EPHA6: variants seen among roughly 807,000 people sequenced by gnomAD.
EPHA6 encodes the protein ephrin type-A receptor 6.
EPHA6 carries 50 observed loss-of-function variants against 112.0 expected under a neutral mutation model. The observed-to-expected ratio is 0.45, with a 90% confidence interval of 0.36 to 0.56. The LOEUF (loss-of-function observed/expected upper bound fraction) is 0.56. Among genes scored for constraint, EPHA6 ranks in the 20% least tolerant of loss-of-function variants. The probability of loss-of-function intolerance (pLI) is 0.00; values close to 1 mark genes in which losing one functional copy is unlikely to be tolerated. For missense variants in EPHA6, 1,280 were observed against 1,417.4 expected (o/e 0.90, Z 1.56); for synonymous variants, 529 against 490.7 (o/e 1.08, Z -1.03).
At position 97,107,907 on chromosome 3, in the gene EPHA6, A is replaced by G. The variant is rs147053717; in HGVS notation, c.1115-118357A>G. ...AGGATCTCATTGTAGTTTTAAAGTG[A>G]AATTATGTGTTATATAGCTTAGATA... On this transcript the variant is annotated intron_variant, in intron 3 of 17. Transcript: ENST00000389672. 4.0e-3 allele frequency among the ~76,000 whole-genome samples: 609 copies of G among 152,238 alleles called. 1 individual carries two copies. The highest frequency in any genetic ancestry group is 0.014 in the African/African-American group (565 of 41,530).
intron 3 of EPHA6, among the ~76,000 whole-genome samples, chr3:97,049,719 A>T (rs892943402): frequency 1.3e-5 from 2 of 152,158 alleles, no homozygotes; most frequent in African/African-American, 4.8e-5. Flanking sequence ...GCATCTGGTG[A>T]GGGCCTCAGG....
chr3:97,226,406 T>A lies in EPHA6; in HGVS notation c.1257T>A (p.Ser419=). 6.2e-6 allele frequency: 10 copies of A among 1,613,224 alleles called. No homozygotes were observed. Among genetic ancestry groups the A allele is most frequent in the African/African-American group, 1.3e-5 (1 of 75,030 alleles). The part of the protein sequence containing the change: ...GYFRAEKDPP[S]MACTRPPSAP... ...TCCGAGCTGAAAAAGACCCACCTTC[T>A]ATGGCATGTACCAGTAAGTCTATAC... The change falls in exon 4 of 18, where the codon TCT becomes TCA. Residue 419 remains serine, a synonymous_variant. Transcript: ENST00000389672.
At chr3:97,747,361 A>C (rs2035762171) in intron 16 of EPHA6, 62 bp from the exon 17 acceptor site, 27 of 1,346,714 alleles carry the variant, frequency 2.0e-5, no homozygotes, top group Non-Finnish European at 2.3e-5. Context: ...AAGTTCCGTG[A>C]TTTGTGCTTT....
chr3:97,372,011 C>T (rs775327809), intron 5 of EPHA6, among the ~76,000 whole-genome samples: 1 of 152,278 alleles, frequency 6.6e-6, no homozygotes, highest in Non-Finnish European at 1.5e-5. Context: ...TCCGAAACTT[C>T]ATTAGCAATT....
intron 3 of EPHA6, among the ~76,000 whole-genome samples, chr3:97,005,795 A>G (rs1211339065): frequency 6.6e-6 from 1 of 152,204 alleles, no homozygotes; most frequent in Non-Finnish European, 1.5e-5. Context: ...TGTGCCATCA[A>G]TACCTAGTTT....
chr3:97,397,073 T>C (rs1198729566), intron 5 of EPHA6, among the ~76,000 whole-genome samples: 4 of 151,900 alleles, frequency 2.6e-5, no homozygotes, highest in East Asian at 1.9e-4. Flanking sequence ...AGCTAAGATT[T>C]TGAAGACTTA....
intron 2 of EPHA6, among the ~76,000 whole-genome samples, chr3:96,969,470 A>G (rs902781956): frequency 2.6e-5 from 4 of 151,958 alleles, no homozygotes; most frequent in African/African-American, 9.7e-5. Flanking sequence ...AATCCTAAAT[A>G]GAGCTATAAT....
At chr3:97,446,756 A>G (rs755729472) in intron 6 of EPHA6, among the ~76,000 whole-genome samples, 3 of 152,110 alleles carry the variant, frequency 2.0e-5, no homozygotes, top group Non-Finnish European at 4.4e-5. Flanking sequence ...TTTTTTTCTA[A>G]TAGTTCACAA....
chr3:96,843,845 C>A (rs918592286), intron 1 of EPHA6, among the ~76,000 whole-genome samples: 1 of 151,810 alleles, frequency 6.6e-6, no homozygotes, highest in African/African-American at 2.4e-5. Context: ...AAGAAATATT[C>A]TTTTTTTAAC....
At chr3:97,195,448 A>AT (rs2108487495) in intron 3 of EPHA6, among the ~76,000 whole-genome samples, 1 of 152,040 alleles carries the variant, frequency 6.6e-6, no homozygotes, top group South Asian at 2.1e-4. Flanking sequence ...TTTATTGTTA[A>AT]TGTCTTGAAA....
intron 2 of EPHA6, among the ~76,000 whole-genome samples, chr3:96,874,949 G>A (rs2036857861): frequency 6.6e-6 from 1 of 152,084 alleles, no homozygotes; most frequent in Non-Finnish European, 1.5e-5. Context: ...AGGCCATTCA[G>A]TAGTAGGAGG....
intron 2 of EPHA6, among the ~76,000 whole-genome samples, chr3:96,971,679 T>C (rs1465219026): frequency 6.6e-6 from 1 of 152,148 alleles, no homozygotes; most frequent in Non-Finnish European, 1.5e-5. Context: ...TACGTATGTT[T>C]AAAAATTAAG....
At chr3:97,669,719 C>G (rs2030594281) in intron 14 of EPHA6, among the ~76,000 whole-genome samples, 1 of 152,118 alleles carries the variant, frequency 6.6e-6, no homozygotes, top group South Asian at 2.1e-4. Flanking sequence ...TTATATTTTG[C>G]TTGTTCCAGT....
intron 17 of EPHA6, among the ~76,000 whole-genome samples, chr3:97,748,256 C>T (rs571561999): frequency 2.6e-5 from 4 of 152,026 alleles, no homozygotes; most frequent in Middle Eastern, 6.9e-3. Flanking sequence ...ATAGCATTTA[C>T]GCCTATGAAA....
At chr3:97,235,033 C>T (rs1435789870) in intron 4 of EPHA6, among the ~76,000 whole-genome samples, 1 of 152,104 alleles carries the variant, frequency 6.6e-6, no homozygotes, top group Non-Finnish European at 1.5e-5. Context: ...AATGCTCCTT[C>T]CTTAGGTTTT....
At chr3:96,928,119 GAC>G (rs2040133805) in intron 2 of EPHA6, among the ~76,000 whole-genome samples, 1 of 152,172 alleles carries the variant, frequency 6.6e-6, no homozygotes, top group African/African-American at 2.4e-5. Context: ...TCCTTCCCTG[GAC>G]ATGTGGAGAT....
intron 4 of EPHA6, among the ~76,000 whole-genome samples, chr3:97,233,489 G>A (rs966735697): frequency 5.3e-5 from 8 of 152,022 alleles, no homozygotes; most frequent in African/African-American, 1.7e-4. Flanking sequence ...GCCAGGAATC[G>A]AACAAGCAGT....
At chr3:97,522,080 C>T (rs566725067) in intron 10 of EPHA6, among the ~76,000 whole-genome samples, 1 of 151,632 alleles carries the variant, frequency 6.6e-6, no homozygotes, top group South Asian at 2.1e-4. Flanking sequence ...CCACTACACC[C>T]AGTTATTTTT....
chr3:97,382,604 A>G (rs1452049371), intron 5 of EPHA6, among the ~76,000 whole-genome samples: 6 of 152,076 alleles, frequency 3.9e-5, no homozygotes, highest in African/African-American at 1.2e-4. Context: ...TAACTAAAGC[A>G]TTTTTAACTT....
Sources: gnomAD v4.1 joint callset for allele counts (sites outside exome capture counted in the v4.1 genomes callset) on GRCh38, gnomAD v4.1.1 for gene constraint, MANE v1.5 for transcripts, NCBI Gene and HGNC (gene_info 2026-07-23, HGNC 2026-07-21) for gene names.